The following CCDC33 variants were observed in gnomAD, a reference collection of about 807,000 sequenced individuals.
CCDC33 encodes coiled-coil domain containing 33.
Under a neutral mutation model 91.9 loss-of-function variants are expected in CCDC33, and 94 were observed. The observed-to-expected ratio is 1.02, with a 90% confidence interval of 0.87 to 1.21. The LOEUF (loss-of-function observed/expected upper bound fraction) is 1.21. Among genes scored for constraint, CCDC33 ranks in the 50% most tolerant of loss-of-function variants. The pLI is 0.00. For synonymous variants in CCDC33, 396 were observed against 374.5 expected, an observed-to-expected ratio of 1.06 and a Z score of -0.66; for missense variants, 940 against 935.5, an observed-to-expected ratio of 1.00 and a Z score of -0.06.
At chr15:74,283,668 C>G (rs1239646097) in intron 10 of CCDC33, among the ~76,000 whole-genome samples, 1 of 152,080 alleles carries the variant, frequency 6.6e-6, no homozygotes, top group African/African-American at 2.4e-5. Context: ...ACCCCCTCCC[C>G]CTGGAGGCGG....
intron 10 of CCDC33, among the ~76,000 whole-genome samples, chr15:74,291,588 G>T (rs1239413893): frequency 6.6e-6 from 1 of 152,234 alleles, no homozygotes; most frequent in Non-Finnish European, 1.5e-5. Context: ...TTAAGAGCAT[G>T]TGCGCTCCAG....
At chr15:74,335,880 C>T in intron 18 of CCDC33, 45 bp from the exon 19 acceptor site, 1 of 1,484,244 alleles carries the variant, frequency 6.7e-7, no homozygotes, top group East Asian at 2.3e-5. Flanking sequence ...CAGGTCACCC[C>T]CTGGGAATGG....
intron 9 of CCDC33, among the ~76,000 whole-genome samples, chr15:74,281,056 G>A (rs531813937): frequency 1.3e-5 from 2 of 152,362 alleles, no homozygotes; most frequent in Admixed American, 6.5e-5. Context: ...CAAGTACAGG[G>A]TGACCCTGTG....
intron 2 of CCDC33, among the ~76,000 whole-genome samples, chr15:74,261,635 C>T (rs1482926295): frequency 6.6e-6 from 1 of 152,196 alleles, no homozygotes. Context: ...TGGGGATGGC[C>T]CTGGCCTAGT....
chr15:74,297,297 T>C (rs2059707742), intron 11 of CCDC33, among the ~76,000 whole-genome samples: 1 of 152,200 alleles, frequency 6.6e-6, no homozygotes, highest in African/African-American at 2.4e-5. Flanking sequence ...AAAGAAACCC[T>C]GTCTTTGGAG....
At chr15:74,331,635 ACACTTCC>A (rs1369480792) in intron 15 of CCDC33, among the ~76,000 whole-genome samples, 1 of 152,238 alleles carries the variant, frequency 6.6e-6, no homozygotes, top group Non-Finnish European at 1.5e-5. Context: ...ACCTGGGGCA[ACACTTCC>A]CAGCTCCTAG....
At chr15:74,325,070 C>G (rs1486582545) in intron 11 of CCDC33, among the ~76,000 whole-genome samples, 1 of 151,408 alleles carries the variant, frequency 6.6e-6, no homozygotes, top group Non-Finnish European at 1.5e-5. Context: ...CTTCGTTGTT[C>G]ACTTCACTCT....
At chr15:74,207,757 C>T (rs934560803) in intron 1 of CCDC33, 101 of 1,535,606 alleles carry the variant, frequency 6.6e-5, no homozygotes, top group Non-Finnish European at 7.6e-5. Flanking sequence ...CAACCTCATG[C>T]GGGCCCGTGA....
chr15:74,308,552 G>A (rs1326249283), intron 11 of CCDC33, among the ~76,000 whole-genome samples: 1 of 152,208 alleles, frequency 6.6e-6, no homozygotes, highest in Non-Finnish European at 1.5e-5. Context: ...AAGGGGCTGA[G>A]ACCCGAGTGG....
rs566975717 is a variant in CCDC33 at position 74,279,796 on chromosome 15, C to T, written c.760-167C>T. Among the ~76,000 whole-genome samples the T allele has an allele frequency of 5.9e-5, 9 of 152,342 alleles. No individual in the cohort carries two copies. In the East Asian group the frequency reaches 9.6e-4, roughly 16 times the overall value. On this transcript the variant is annotated intron_variant, in intron 7 of 18. Coordinates refer to ENST00000398814, the MANE Select transcript of CCDC33 (RefSeq NM_025055.5). ...AAGTGATCCACTTGCCTTGGCCTCC[C>T]GAAGTGCTGGAATTACAGGCGTGAG...
intron 2 of CCDC33, among the ~76,000 whole-genome samples, chr15:74,224,111 G>C (rs74854826): frequency 0.1 from 15,725 of 152,248 alleles, 998 homozygotes; most frequent in African/African-American, 0.18. Context: ...TGTCACCCAC[G>C]CAGGGAGGGG....
At chr15:74,220,170 A>G (rs1231231589) in intron 2 of CCDC33, among the ~76,000 whole-genome samples, 1 of 152,152 alleles carries the variant, frequency 6.6e-6, no homozygotes, top group Non-Finnish European at 1.5e-5. Context: ...AGGCCAAGTG[A>G]TAGGGCAGCA....
At chr15:74,249,986 G>A (rs921817185) in intron 2 of CCDC33, among the ~76,000 whole-genome samples, 3 of 152,028 alleles carry the variant, frequency 2.0e-5, no homozygotes, top group Non-Finnish European at 4.4e-5. Flanking sequence ...CCTGTCTCAG[G>A]TTTCTGCCCT....
chr15:74,253,793 G>C (rs2075781947), intron 2 of CCDC33, among the ~76,000 whole-genome samples: 1 of 152,218 alleles, frequency 6.6e-6, no homozygotes. Flanking sequence ...ATTCAGAGGA[G>C]TAGCCCCTGC....
chr15:74,333,840 C>A, intron 16 of CCDC33, 41 bp from the exon 17 acceptor site: 1 of 1,538,718 alleles, frequency 6.5e-7, no homozygotes, highest in Non-Finnish European at 9.0e-7. Context: ...CTGCCACAGC[C>A]TCCAGCTGGG....
chr15:74,298,712 T>TG, intron 11 of CCDC33, among the ~76,000 whole-genome samples: 1 of 131,900 alleles, frequency 7.6e-6, no homozygotes, highest in South Asian at 2.6e-4. Context: ...ATTCTGCCTT[T>TG]TTTTTTTTTT....
intron 10 of CCDC33, among the ~76,000 whole-genome samples, chr15:74,285,185 A>T (rs377675027): frequency 1.3e-4 from 13 of 96,410 alleles, no homozygotes; most frequent in African/African-American, 4.0e-4. Context: ...CCCCAGTCTG[A>T]GGACATAGGC....
intron 2 of CCDC33, among the ~76,000 whole-genome samples, chr15:74,252,672 G>C (rs1159326348): frequency 6.6e-6 from 1 of 152,184 alleles, no homozygotes; most frequent in African/African-American, 2.4e-5. Context: ...TCTGGCCGCT[G>C]GCTCCTACAG....
chr15:74,317,887 GTTTTTTTTTTTT>G (rs71137385), intron 11 of CCDC33, among the ~76,000 whole-genome samples: 4 of 110,492 alleles, frequency 3.6e-5, no homozygotes, highest in African/African-American at 1.1e-4. Context: ...GTTTGGGTTT[GTTTTTTTTTTTT>G]TTTTTTTTTT....
Sources: gnomAD v4.1 joint callset for allele counts (sites outside exome capture counted in the v4.1 genomes callset) on GRCh38, gnomAD v4.1.1 for gene constraint, MANE v1.5 for transcripts, NCBI Gene and HGNC (gene_info 2026-07-23, HGNC 2026-07-21) for gene names.